TMC1: variants seen among roughly 807,000 people sequenced by gnomAD.
TMC1 encodes transmembrane channel-like protein 1.
TMC1 carries 84 observed loss-of-function variants against 105.8 expected under a neutral mutation model. That is an observed-to-expected ratio of 0.79 (90% CI 0.67 to 0.95). The LOEUF (loss-of-function observed/expected upper bound fraction) is 0.95, where lower values mean the gene tolerates loss of function less well. TMC1 is among the 40% of genes least tolerant of loss of function. TMC1 has a pLI of 0.00. For missense variants in TMC1, 817 were observed against 914.1 expected (o/e 0.89, Z 1.37); for synonymous variants, 315 against 311.5 (o/e 1.01, Z -0.12).
chr9:72,816,598 C>T (rs1212724635), intron 19 of TMC1, among the ~76,000 whole-genome samples: 1 of 151,992 alleles, frequency 6.6e-6, no homozygotes. Flanking sequence ...TTTGTTGTCA[C>T]TACTAAATAT....
Position 72,716,378 on chromosome 9 carries a change from G to A in TMC1, c.362+15735G>A, listed in dbSNP as rs187319230. On this transcript the variant is annotated intron_variant, in intron 8 of 23. Coordinates refer to ENST00000297784, the MANE Select transcript of TMC1 (RefSeq NM_138691.3). ...GCACCCACAAACTCCCCTTCCCCCA[G>A]GTGCTCTGTCCCAGGAAGGTGGGGG... Among the ~76,000 whole-genome samples, 470 of 152,284 alleles carry A rather than the reference G, an allele frequency of 3.1e-3. 3 individuals carry two copies. Among genetic ancestry groups the A allele is most frequent in the African/African-American group, 0.01 (428 of 41,560 alleles).
At chr9:72,697,828 TA>T (rs1247666126) in intron 7 of TMC1, among the ~76,000 whole-genome samples, 2 of 152,146 alleles carry the variant, frequency 1.3e-5, no homozygotes. Context: ...TTATTAATCA[TA>T]AAGATTTTTT....
chr9:72,651,078 TA>T (rs35271711), intron 5 of TMC1: 67 of 147,420 alleles, frequency 4.5e-4, no homozygotes, highest in African/African-American at 1.6e-3. Context: ...TATATCTATA[TA>T]AAAATATATA....
At chr9:72,574,818 C>T (rs561961813) in intron 1 of TMC1, among the ~76,000 whole-genome samples, 3 of 152,188 alleles carry the variant, frequency 2.0e-5, no homozygotes, top group East Asian at 3.8e-4. Flanking sequence ...TCCCCACATA[C>T]GCTGCTGATC....
rs572858766 is a variant in TMC1, at chr9:72,821,828, CAG to C, written c.2003+759_2003+760del. 9.7e-4 allele frequency among the ~76,000 whole-genome samples: 147 copies of C among 151,756 alleles called. 2 individuals carry two copies. The highest frequency in any genetic ancestry group is 7.5e-3 in the South Asian group (36 of 4,804). On this transcript the variant is annotated intron_variant, in intron 20 of 23. Transcript: ENST00000297784. The stretch of plus-strand genomic sequence containing the variant: ...TTAAAAAGAGAGAGAGAGAGACAGA[CAG>C]AGAGAGAGAGAATACCCCACACTTT...
Position 72,791,302 on chromosome 9 carries a change from G to A in TMC1, c.1225-584G>A, listed in dbSNP as rs576952118. Among the ~76,000 whole-genome samples the A allele has an allele frequency of 1.4e-3, 218 of 151,204 alleles. 1 individual carries two copies. Among genetic ancestry groups the A allele is most frequent in the African/African-American group, 5.1e-3 (211 of 41,110 alleles). ...GTTGGCTTCCATAACATTATGTCAT[G>A]TGTTCTCCATTTGTTTCTCTGAGTT... On this transcript the variant is annotated intron_variant, in intron 15 of 23. Coordinates refer to ENST00000297784, the MANE Select transcript of TMC1 (RefSeq NM_138691.3).
At chr9:72,794,724 A>G (rs1828333783) in intron 17 of TMC1, among the ~76,000 whole-genome samples, 1 of 152,190 alleles carries the variant, frequency 6.6e-6, no homozygotes, top group Non-Finnish European at 1.5e-5. Context: ...AGAGTATTGT[A>G]TGTCCTCCAA....
At chr9:72,659,703 C>T (rs527290738) in intron 5 of TMC1, among the ~76,000 whole-genome samples, 2 of 152,314 alleles carry the variant, frequency 1.3e-5, no homozygotes, top group Admixed American at 1.3e-4. Flanking sequence ...AACAAATATC[C>T]TTCATGTGTT....
intron 4 of TMC1, among the ~76,000 whole-genome samples, chr9:72,638,500 C>A (rs1825571269): frequency 1.3e-5 from 2 of 152,196 alleles, no homozygotes; most frequent in South Asian, 4.1e-4. Context: ...GCTCACCGAA[C>A]TGCAGCAGCC....
At chr9:72,676,163 G>A (rs746496861) in intron 5 of TMC1, among the ~76,000 whole-genome samples, 4 of 152,270 alleles carry the variant, frequency 2.6e-5, no homozygotes, top group South Asian at 2.1e-4. Context: ...AGACATTGGC[G>A]TTGGAGTTAA....
At chr9:72,656,784 T>C (rs975763706) in intron 5 of TMC1, among the ~76,000 whole-genome samples, 3 of 152,236 alleles carry the variant, frequency 2.0e-5, no homozygotes, top group African/African-American at 7.2e-5. Context: ...GATTTCTTTT[T>C]TTTCCCCCCT....
chr9:72,680,118 A>G (rs186136255), intron 5 of TMC1, among the ~76,000 whole-genome samples: 2 of 152,206 alleles, frequency 1.3e-5, no homozygotes, highest in Admixed American at 1.3e-4. Flanking sequence ...CTAGTCTAAG[A>G]TAGAGATGGC....
In TMC1 at chr9:72,820,907, A is replaced by G. The variant is rs757882877; in HGVS notation, c.1829A>G (p.Tyr610Cys). 6.2e-7 allele frequency: 1 copy of G among 1,614,124 alleles called. No homozygotes were observed. The highest frequency in any genetic ancestry group is 8.5e-7 in the Non-Finnish European group (1 of 1,180,028). ...INILRLHTSMYFQCWAVMCCN... is the reference protein window; with the variant it reads ...INILRLHTSMCFQCWAVMCCN... ...ATCCTTCGACTCCATACATCCATGT[A>G]CTTCCAGTGCTGGGCCGTTATGTGC... The change falls in exon 20 of 24, where the codon TAC becomes TGC. Residue 610 changes from tyrosine (Y) to cysteine (C), a missense_variant. Transcript: ENST00000297784.
chr9:72,692,185 C>A (rs1663745), intron 6 of TMC1, among the ~76,000 whole-genome samples: 34,449 of 152,102 alleles, frequency 0.23, 4,216 homozygotes, highest in East Asian at 0.39. Flanking sequence ...AGGTCTTTTC[C>A]TGTCAGTGCT....
At chr9:72,545,330 T>A (rs996478038) in intron 1 of TMC1, among the ~76,000 whole-genome samples, 11 of 150,916 alleles carry the variant, frequency 7.3e-5, no homozygotes, top group Admixed American at 1.3e-4. Flanking sequence ...ATGTTTTTTT[T>A]AAAAAAAAAC....
Position 72,792,347 on chromosome 9 carries a change from G to C in TMC1, c.1561G>C (p.Gly521Arg). ...PRGPCWETMVGQEFVRLTVSD... is the reference protein window; with the variant it reads ...PRGPCWETMVRQEFVRLTVSD... The stretch of plus-strand genomic sequence containing the variant: ...AGGACCTTGCTGGGAAACAATGGTG[G>C]GACAGGTAATGCCACCAACAGAAGT... The change falls in exon 17 of 24, where the codon GGA (glycine) becomes CGA (arginine). Residue 521 changes from glycine (G) to arginine (R), a missense_variant. Gly to Arg is a moderately radical substitution (Grantham distance 125, BLOSUM62 -2). Coordinates refer to ENST00000297784, the MANE Select transcript of TMC1 (RefSeq NM_138691.3). 6.2e-7 allele frequency: 1 copy of C among 1,613,882 alleles called. No individual in the cohort carries two copies. The highest frequency in any genetic ancestry group is 8.5e-7 in the Non-Finnish European group (1 of 1,179,964).
intron 13 of TMC1, among the ~76,000 whole-genome samples, chr9:72,778,690 A>G (rs1164276356): frequency 6.6e-6 from 1 of 152,198 alleles, no homozygotes; most frequent in Non-Finnish European, 1.5e-5. Flanking sequence ...AATACAGAGC[A>G]GGGCTGTCTT....
At chr9:72,740,850 C>CATAT (rs534205652) in intron 9 of TMC1, among the ~76,000 whole-genome samples, 7 of 151,626 alleles carry the variant, frequency 4.6e-5, no homozygotes, top group African/African-American at 1.7e-4. Flanking sequence ...TCCTAACTTT[C>CATAT]ATATATATAT....
chr9:72,639,370 A>T (rs1054388677), intron 4 of TMC1, among the ~76,000 whole-genome samples: 1 of 152,204 alleles, frequency 6.6e-6, no homozygotes, highest in South Asian at 2.1e-4. Context: ...CCACACAATT[A>T]ATAAATATAA....
Sources: gnomAD v4.1 joint callset for allele counts (sites outside exome capture counted in the v4.1 genomes callset) on GRCh38, gnomAD v4.1.1 for gene constraint, MANE v1.5 for transcripts, NCBI Gene and HGNC (gene_info 2026-07-23, HGNC 2026-07-21) for gene names.